STAMBP: variants seen among roughly 807,000 people sequenced by gnomAD.
The protein encoded by STAMBP is STAM-binding protein.
Under a neutral mutation model 50.7 loss-of-function variants are expected in STAMBP, and 31 were observed. The observed-to-expected ratio is 0.61, with a 90% confidence interval of 0.46 to 0.83. The LOEUF is 0.83. Ranked by LOEUF, STAMBP falls within the 40% of genes least tolerant of loss-of-function variation. The pLI, the probability that STAMBP is intolerant of heterozygous loss-of-function variation, is 0.00. For synonymous variants in STAMBP, 211 were observed against 192.4 expected (o/e 1.10, Z -0.80); for missense variants, 472 against 518.9 (o/e 0.91, Z 0.88).
At chr2:73,847,219 C>T (rs1456540019) in intron 4 of STAMBP, among the ~76,000 whole-genome samples, 168 bp from the exon 5 acceptor site, 2 of 152,018 alleles carry the variant, frequency 1.3e-5, no homozygotes, top group African/African-American at 2.4e-5. Context: ...GGGGTGGTGA[C>T]TACACTCCGT....
downstream of STAMBP, among the ~76,000 whole-genome samples, chr2:73,869,100 A>G (rs1213002502): frequency 3.3e-5 from 5 of 152,234 alleles, no homozygotes; most frequent in Non-Finnish European, 5.9e-5. Flanking sequence ...GGTTTGGGCT[A>G]CAAGCTAAGT....
chr2:73,860,538 T>C, intron 9 of STAMBP: 1 of 988,336 alleles, frequency 1.0e-6, no homozygotes, highest in Non-Finnish European at 1.2e-6. Flanking sequence ...TCTAAGCCTG[T>C]ACTTCAATAA....
rs762504364 is a variant in STAMBP, at chr2:73,850,563, G to A, written c.1005+50G>A. 1 of 1,562,904 alleles carries A rather than the reference G, an allele frequency of 6.4e-7. No individual in the cohort carries two copies. Among genetic ancestry groups the A allele is most frequent in the South Asian group, 1.2e-5 (1 of 82,730 alleles). On this transcript the variant is annotated intron_variant, in intron 7 of 9. Transcript: ENST00000394070. The surrounding 1 kb of genome is among the most constrained non-coding windows in gnomAD (Gnocchi z 4.3). ...AGTTAGTCTCTGCCTCTCCCATGGT[G>A]GTATAAATACATGAGTGTTTCTTTG... is the stretch of plus-strand genomic sequence containing the variant.
intron 7 of STAMBP, among the ~76,000 whole-genome samples, chr2:73,857,880 C>CT (rs1464974391): frequency 6.6e-6 from 1 of 152,112 alleles, no homozygotes; most frequent in African/African-American, 2.4e-5. Context: ...ACAATGCAAT[C>CT]TAAGTTATTT....
chr2:73,869,806 A>T (rs1047988828), downstream of STAMBP, among the ~76,000 whole-genome samples: 3 of 152,232 alleles, frequency 2.0e-5, no homozygotes, highest in Non-Finnish European at 4.4e-5. Context: ...GACTAGATTA[A>T]GAATCAGCAA....
intron 4 of STAMBP, among the ~76,000 whole-genome samples, chr2:73,846,655 C>A (rs1247087495): frequency 1.3e-5 from 2 of 151,542 alleles, no homozygotes; most frequent in Non-Finnish European, 2.9e-5. Context: ...TAGAGACCCC[C>A]AAGATAGCAG....
chr2:73,849,519 T>C (rs1159276663), intron 6 of STAMBP, 32 bp downstream of exon 6: 2 of 1,562,916 alleles, frequency 1.3e-6, no homozygotes, highest in Admixed American at 4.0e-5. Flanking sequence ...AACTCTTCTC[T>C]GAACCGAAAC....
intron 1 of STAMBP, 83 bp from the exon 2 acceptor site, chr2:73,830,762 G>A (rs1420387528): frequency 2.0e-6 from 2 of 1,009,466 alleles, no homozygotes; most frequent in African/African-American, 3.3e-5. Context: ...TTCTTCTTAA[G>A]GTAGAGGTCT....
intron 4 of STAMBP, 105 bp from the exon 5 acceptor site, chr2:73,847,282 C>A: frequency 7.1e-7 from 1 of 1,398,920 alleles, no homozygotes; most frequent in African/African-American, 1.4e-5. Context: ...AATCAGGCCA[C>A]AGCAGAAGTA....
chr2:73,846,358 T>C (rs1175722608), intron 4 of STAMBP, among the ~76,000 whole-genome samples: 1 of 152,078 alleles, frequency 6.6e-6, no homozygotes, highest in Admixed American at 6.5e-5. Flanking sequence ...TCCTAGCACT[T>C]TGGGAGCCTG....
intron 1 of STAMBP, among the ~76,000 whole-genome samples, chr2:73,830,339 A>G (rs1290089793): frequency 2.6e-5 from 4 of 152,356 alleles, no homozygotes; most frequent in African/African-American, 4.8e-5. Context: ...ATGAAAAAGG[A>G]TACCACAGAA....
chr2:73,860,290 C>T (rs908708173), intron 9 of STAMBP, 139 bp downstream of exon 9: 3 of 687,422 alleles, frequency 4.4e-6, no homozygotes, highest in East Asian at 2.9e-5. Flanking sequence ...ATAATAAGGA[C>T]GTACATGAGA....
rs546685978 is a variant in STAMBP, at chr2:73,830,988, C to T, written c.132C>T (p.Ile44=). ...ACTTCCGCTCTGGAGTTGAGATTAT[C>T]CGAATGGCATCCATTTACTCTGAGG... The part of the protein sequence containing the change: ...RRYFRSGVEI[I]RMASIYSEEG... The change falls in exon 2 of 10, where the codon ATC becomes ATT. Residue 44 remains isoleucine, a synonymous_variant. Coordinates refer to ENST00000394070, the MANE Select transcript of STAMBP (RefSeq NM_213622.4). 6 of 1,614,188 alleles carry T rather than the reference C, an allele frequency of 3.7e-6. No individual in the cohort carries two copies. The highest frequency in any genetic ancestry group is 5.1e-6 in the Non-Finnish European group (6 of 1,180,018).
intron 4 of STAMBP, 86 bp from the exon 5 acceptor site, chr2:73,847,301 A>T (rs1249305679): frequency 6.7e-7 from 1 of 1,494,240 alleles, no homozygotes; most frequent in Non-Finnish European, 9.0e-7. Context: ...TACATTTTGG[A>T]AATCTCCATG....
At chr2:73,861,408 A>T (rs891640025) in intron 9 of STAMBP, among the ~76,000 whole-genome samples, 1 of 152,166 alleles carries the variant, frequency 6.6e-6, no homozygotes, top group Admixed American at 6.5e-5. Flanking sequence ...GGTGGTAGTA[A>T]TGAGTCCCAG....
At chr2:73,855,407 AG>A (rs1295325937) in intron 7 of STAMBP, among the ~76,000 whole-genome samples, 1 of 152,242 alleles carries the variant, frequency 6.6e-6, no homozygotes, top group East Asian at 1.9e-4. Flanking sequence ...GAGGGAGAGA[AG>A]GTACAGTAGT....
intron 7 of STAMBP, among the ~76,000 whole-genome samples, chr2:73,854,956 T>G (rs1219606662): frequency 6.6e-6 from 1 of 152,238 alleles, no homozygotes; most frequent in African/African-American, 2.4e-5. Context: ...ACCACTGCAC[T>G]CCAGCCTGGG....
At chr2:73,832,944 C>T (rs910153132) in intron 2 of STAMBP, among the ~76,000 whole-genome samples, 16 of 152,076 alleles carry the variant, frequency 1.1e-4, no homozygotes, top group African/African-American at 3.9e-4. Context: ...GAAGTGTTGC[C>T]TGTGTTAAGA....
At chr2:73,869,844 A>T (rs1006071673), downstream of STAMBP, among the ~76,000 whole-genome samples, 16 of 152,258 alleles carry the variant, frequency 1.1e-4, no homozygotes, top group African/African-American at 3.9e-4. Context: ...AGTAAGACTT[A>T]GAAGAGTTTA....
Sources: allele counts gnomAD v4.1 joint callset (sites outside exome capture counted in the v4.1 genomes callset), GRCh38; gene constraint gnomAD v4.1.1; non-coding constraint Gnocchi (gnomAD v3.1); transcripts MANE v1.5; gene names NCBI Gene and HGNC (gene_info 2026-07-23, HGNC 2026-07-21).